Variants in NRN1 observed in about 807,000 individuals in gnomAD.
NRN1 encodes the protein neuritin 1, also known as neuritin.
Under a neutral mutation model 15.0 loss-of-function variants are expected in NRN1, and 4 were observed. The observed-to-expected ratio is 0.27, with a 90% CI of 0.13 to 0.61. NRN1 has a LOEUF of 0.61. NRN1 is among the 20% of genes least tolerant of loss of function. The pLI, the probability that NRN1 is intolerant of heterozygous loss-of-function variation, is 0.87. For missense variants in NRN1, 134 were observed against 181.9 expected (o/e 0.74, Z 1.51); for synonymous variants, 85 against 79.8 (o/e 1.07, Z -0.35).
At chr6:5,999,427 G>C (rs1383204168) in intron 2 of NRN1, among the ~76,000 whole-genome samples, 1 of 152,214 alleles carries the variant, frequency 6.6e-6, no homozygotes, top group Non-Finnish European at 1.5e-5. Context: ...GGGTGGGGGG[G>C]CGCCCCCTCC....
chr6:6,006,475 G>A (rs1037629267), intron 1 of NRN1, among the ~76,000 whole-genome samples: 3 of 152,170 alleles, frequency 2.0e-5, no homozygotes, highest in Non-Finnish European at 4.4e-5. Flanking sequence ...GAAAATGTCC[G>A]GCCGCACACA....
chr6:6,002,670 A>T (rs1257346329), intron 1 of NRN1, among the ~76,000 whole-genome samples, 173 bp from the exon 2 acceptor site: 2 of 152,114 alleles, frequency 1.3e-5, no homozygotes, highest in African/African-American at 2.4e-5. Flanking sequence ...TGACCCAGGA[A>T]TGCCCGACCT....
chr6:6,006,705 C>A lies in NRN1; in HGVS notation c.45G>T (p.Ala15=), dbSNP rs769104316. The change falls in exon 1 of 3, where the codon GCG becomes GCT. Residue 15 remains alanine (A), a synonymous_variant. Transcript: ENST00000244766. ...TGAGCGGCCACTTACCTATTTGCAC[C>A]GCGAGGATCAGTGAAATATATCTGC... ...LNGRYISLIL[A]VQIAYLVQAV... 1.2e-6 allele frequency: 2 copies of A among 1,613,992 alleles called. No individual in the cohort carries two copies. The highest frequency in any genetic ancestry group is 2.7e-5 in the African/African-American group (2 of 74,918).
At chr6:6,006,641 CGG>C in intron 1 of NRN1, 52 bp downstream of exon 1, 1 of 1,576,810 alleles carries the variant, frequency 6.3e-7, no homozygotes, top group South Asian at 1.1e-5. Context: ...CGCCTCGGGC[CGG>C]GGCAGGCTGC....
At chr6:6,007,040 C>T (rs1374552898), upstream of NRN1, 2 of 423,312 alleles carry the variant, frequency 4.7e-6, no homozygotes, top group Non-Finnish European at 8.5e-6. Flanking sequence ...CACGAGCAGG[C>T]CTGACGTGGG....
At chr6:6,004,239 A>G (rs1758047689) in intron 1 of NRN1, among the ~76,000 whole-genome samples, 1 of 152,352 alleles carries the variant, frequency 6.6e-6, no homozygotes, top group South Asian at 2.1e-4. Context: ...TGCGACTACA[A>G]TACTAACAAA....
At chr6:5,999,328 AC>A in intron 2 of NRN1, 124 bp from the exon 3 acceptor site, 1 of 758,280 alleles carries the variant, frequency 1.3e-6, no homozygotes, top group Non-Finnish European at 2.2e-6. Flanking sequence ...TCCCCTCCCT[AC>A]CTTCTCTTCA....
rs78858445 is a variant in NRN1 at position 6,001,741 on chromosome 6, G to A, written c.200+612C>T. Among the ~76,000 whole-genome samples, 35 of 152,324 alleles carry A rather than the reference G, an allele frequency of 2.3e-4. No homozygotes were observed. In the East Asian group the frequency reaches 6.4e-3, roughly 28 times the overall value. On this transcript the variant is annotated intron_variant, in intron 2 of 2. Coordinates refer to ENST00000244766, the MANE Select transcript of NRN1 (RefSeq NM_016588.3). ...AAAGTCACTGGCACACAATAAGATA[G>A]CGTTTCGGCCTGTCTCCTAGAAAAC...
chr6:6,004,538 C>T (rs952631522), intron 1 of NRN1, among the ~76,000 whole-genome samples: 2 of 152,200 alleles, frequency 1.3e-5, no homozygotes, highest in African/African-American at 4.8e-5. Context: ...ACGTTATCTT[C>T]CCAGGCGCTG....
At chr6:5,999,254 G>A (rs1282126480) in intron 2 of NRN1, 50 bp from the exon 3 acceptor site, 28 of 1,515,858 alleles carry the variant, frequency 1.8e-5, no homozygotes, top group Admixed American at 5.1e-5. Flanking sequence ...TTGGGACGCC[G>A]GGAACACCCC....
chr6:5,998,975 C>T lies in NRN1; in HGVS notation c.*1G>A, dbSNP rs1367220440. The T allele has an allele frequency of 1.9e-6, 3 of 1,608,062 alleles. No homozygotes were observed. Among genetic ancestry groups the T allele is most frequent in the Non-Finnish European group, 2.5e-6 (3 of 1,177,630 alleles). On this transcript the variant is annotated 3_prime_UTR_variant, in exon 3 of 3. Coordinates refer to ENST00000244766, the MANE Select transcript of NRN1 (RefSeq NM_016588.3). The stretch of plus-strand genomic sequence containing the variant: ...GCGCGCGGGGGGAGCTGGCCCCACG[C>T]TCAGAAGGAAAGCCAGGTCGCTAAA...
At position 6,006,803 on chromosome 6, in the gene NRN1, A is replaced by G. The variant is rs1218622879; in HGVS notation, c.-54T>C. On this transcript the variant is annotated 5_prime_UTR_variant, in exon 1 of 3. Transcript: ENST00000244766. ...GCAGACCTTTAAATAGTTAGTTTAG[A>G]GAACGCGGGGGAAAGCCAAAAAATA... 2 of 1,590,804 alleles carry G rather than the reference A, an allele frequency of 1.3e-6. No homozygotes were observed. The highest frequency in any genetic ancestry group is 1.3e-5 in the African/African-American group (1 of 74,570).
Position 5,999,150 on chromosome 6 carries a change from T to C in NRN1, c.255A>G (p.Glu85=). The C allele has an allele frequency of 6.2e-7, 1 of 1,614,156 alleles. No individual in the cohort carries two copies. The highest frequency in any genetic ancestry group is 8.5e-7 in the Non-Finnish European group (1 of 1,180,014). ...CTVTALTDCQ[E]GAKDMWDKLR... ...GTTTATCCCACATATCTTTCGCCCC[T>C]TCCTGGCAATCCGTAAGGGCTGTGA... The change falls in exon 3 of 3, where the codon GAA becomes GAG. Residue 85 remains glutamate (E), a synonymous_variant. Transcript: ENST00000244766.
intron 2 of NRN1, among the ~76,000 whole-genome samples, chr6:6,001,413 G>A (rs762063966): frequency 1.3e-5 from 2 of 152,150 alleles, no homozygotes; most frequent in Non-Finnish European, 2.9e-5. Context: ...AGAGGACAGG[G>A]GTGTTTTCTA....
chr6:6,003,026 A>G, intron 1 of NRN1: 1 of 471,078 alleles, frequency 2.1e-6, no homozygotes, highest in Non-Finnish European at 3.4e-6. Flanking sequence ...CCAACGCCAC[A>G]TCACGAGAAT....
At chr6:6,000,447 C>A (rs2151031583) in intron 2 of NRN1, among the ~76,000 whole-genome samples, 1 of 152,340 alleles carries the variant, frequency 6.6e-6, no homozygotes, top group East Asian at 1.9e-4. Flanking sequence ...CTGGTCCCCA[C>A]CTGCCCCGGG....
At position 5,998,243 on chromosome 6, in the gene NRN1, G is replaced by A. The variant is rs1261141705; in HGVS notation, c.*733C>T. The stretch of plus-strand genomic sequence containing the variant: ...TGTGTGTAACAGCTAAAACAAGAGG[G>A]AGGAGGGAAAATAAAGGCAGTGAAC... On this transcript the variant is annotated 3_prime_UTR_variant, in exon 3 of 3. Transcript: ENST00000244766. 2 of 152,162 alleles carry A rather than the reference G, an allele frequency of 1.3e-5. No homozygotes were observed. Among genetic ancestry groups the A allele is most frequent in the East Asian group, 1.9e-4 (1 of 5,196 alleles). 9.4% of individuals were successfully genotyped at this position (152,162 alleles called of 1,614,324 possible). A position where few individuals can be genotyped will look rare whatever the true frequency, so the allele number is the denominator to read the frequency against.
At chr6:6,006,427 T>C (rs1351943085) in intron 1 of NRN1, among the ~76,000 whole-genome samples, 1 of 152,174 alleles carries the variant, frequency 6.6e-6, no homozygotes, top group South Asian at 2.1e-4. Context: ...CAAAAATGGA[T>C]GTGTGCTCAG....
chr6:6,006,252 T>C (rs1013808741), intron 1 of NRN1, among the ~76,000 whole-genome samples: 2 of 152,252 alleles, frequency 1.3e-5, no homozygotes, highest in Non-Finnish European at 2.9e-5. Context: ...GTCTGAGCCC[T>C]GGAATATCTT....
Sources: allele counts gnomAD v4.1 joint callset (sites outside exome capture counted in the v4.1 genomes callset), GRCh38; gene constraint gnomAD v4.1.1; transcripts MANE v1.5; gene names NCBI Gene and HGNC (gene_info 2026-07-23, HGNC 2026-07-21).